LARGE1: variants seen among roughly 807,000 people sequenced by gnomAD.
LARGE1 encodes the protein xylosyl- and glucuronyltransferase LARGE1.
LARGE1 carries 43 observed loss-of-function variants against 87.6 expected under a neutral mutation model. That is an observed-to-expected ratio of 0.49 (90% CI 0.38 to 0.63). The LOEUF (loss-of-function observed/expected upper bound fraction) is 0.63. LARGE1 is among the 30% of genes least tolerant of loss of function. LARGE1 has a pLI of 0.00. For synonymous variants in LARGE1, 434 were observed against 394.6 expected, an observed-to-expected ratio of 1.10 and a Z score of -1.18; for missense variants, 802 against 1,000.2, an observed-to-expected ratio of 0.80 and a Z score of 2.67.
chr22:33,221,860 T>C (rs1925473211), intron 11 of LARGE1: 2 of 152,316 alleles, frequency 1.3e-5, no homozygotes, highest in South Asian at 4.1e-4. Context: ...AAGTCTTTAC[T>C]AAAGATTTTA....
intron 3 of LARGE1, among the ~76,000 whole-genome samples, chr22:33,638,642 A>G (rs1214761638): frequency 6.6e-6 from 1 of 152,218 alleles, no homozygotes; most frequent in African/African-American, 2.4e-5. Flanking sequence ...TTTAATCCCA[A>G]GCTCTACCTC....
At chr22:33,733,793 C>A (rs1465712665) in intron 2 of LARGE1, 1 of 151,670 alleles carries the variant, frequency 6.6e-6, no homozygotes, top group Non-Finnish European at 1.5e-5. Flanking sequence ...GTATAATAAT[C>A]AAACGACAAA....
At chr22:33,239,816 G>A (rs924203648) in intron 11 of LARGE1, among the ~76,000 whole-genome samples, 4 of 152,062 alleles carry the variant, frequency 2.6e-5, no homozygotes, top group African/African-American at 4.8e-5. Flanking sequence ...GGATTACAGA[G>A]TGAGCCACTG....
chr22:33,698,475 A>G (rs939041632), intron 2 of LARGE1, among the ~76,000 whole-genome samples: 6 of 150,552 alleles, frequency 4.0e-5, no homozygotes, highest in African/African-American at 1.5e-4. Flanking sequence ...TAATTTTTGT[A>G]TTCTTTTTGC....
intron 11 of LARGE1, among the ~76,000 whole-genome samples, chr22:33,202,164 T>A (rs1030440344): frequency 2.0e-5 from 3 of 151,824 alleles, no homozygotes; most frequent in Non-Finnish European, 4.4e-5. Flanking sequence ...ATTGTTATTA[T>A]ATTAAGAGCT....
chr22:33,348,643 T>C (rs1445221069), intron 9 of LARGE1, among the ~76,000 whole-genome samples: 2 of 151,986 alleles, frequency 1.3e-5, no homozygotes, highest in Non-Finnish European at 2.9e-5. Flanking sequence ...CTCTTCCCAG[T>C]ACAGGGAGCC....
At chr22:33,390,001 G>A (rs1305166940) in intron 7 of LARGE1, among the ~76,000 whole-genome samples, 1 of 152,180 alleles carries the variant, frequency 6.6e-6, no homozygotes, top group African/African-American at 2.4e-5. Context: ...TAACCCCTTG[G>A]TTGTGGCCAG....
At chr22:33,477,995 A>G (rs1462453298) in intron 6 of LARGE1, among the ~76,000 whole-genome samples, 1 of 152,104 alleles carries the variant, frequency 6.6e-6, no homozygotes, top group Non-Finnish European at 1.5e-5. Context: ...CTCTAACTCA[A>G]TGGCTCTTTC....
At chr22:33,408,817 A>G (rs1016077284) in intron 7 of LARGE1, among the ~76,000 whole-genome samples, 4 of 151,850 alleles carry the variant, frequency 2.6e-5, no homozygotes, top group African/African-American at 9.7e-5. Context: ...CAGTAGGCAG[A>G]CATTAAATAG....
chr22:33,181,070 T>G (rs1364224065), intron 11 of LARGE1, among the ~76,000 whole-genome samples: 1 of 152,238 alleles, frequency 6.6e-6, no homozygotes, highest in Non-Finnish European at 1.5e-5. Flanking sequence ...TAAGGTTTAT[T>G]AATTATATCT....
At chr22:33,311,486 A>G (rs1935584327) in intron 11 of LARGE1, among the ~76,000 whole-genome samples, 1 of 152,232 alleles carries the variant, frequency 6.6e-6, no homozygotes, top group Non-Finnish European at 1.5e-5. Context: ...AACATTAAGA[A>G]AAGGGAAATT....
chr22:33,353,399 CTT>C (rs879900631), intron 9 of LARGE1, among the ~76,000 whole-genome samples: 60 of 138,512 alleles, frequency 4.3e-4, no homozygotes, highest in Non-Finnish European at 3.0e-4. Flanking sequence ...TTCTTTTTTT[CTT>C]TTTTTTTTTT....
At chr22:33,446,622 C>T (rs1222955625) in intron 6 of LARGE1, among the ~76,000 whole-genome samples, 1 of 152,194 alleles carries the variant, frequency 6.6e-6, no homozygotes, top group African/African-American at 2.4e-5. Context: ...GTCAATGTGG[C>T]TGAGACAAAT....
At chr22:33,433,324 C>T (rs111925062) in intron 6 of LARGE1, among the ~76,000 whole-genome samples, 2,227 of 152,064 alleles carry the variant, frequency 0.015, 15 homozygotes, top group Non-Finnish European at 0.024. Flanking sequence ...GGGCTGGGTG[C>T]GGTGGCTCAC....
At chr22:33,654,307 T>G (rs1470092685) in intron 2 of LARGE1, among the ~76,000 whole-genome samples, 2 of 152,166 alleles carry the variant, frequency 1.3e-5, no homozygotes, top group Admixed American at 6.5e-5. Context: ...TTGGTTTGTT[T>G]TAAAGGTCCA....
intron 6 of LARGE1, among the ~76,000 whole-genome samples, chr22:33,510,245 G>A (rs1200882129): frequency 6.6e-6 from 1 of 152,188 alleles, no homozygotes; most frequent in African/African-American, 2.4e-5. Flanking sequence ...TAAGGGGGTA[G>A]TGGTGATGAC....
intron 1 of LARGE1, among the ~76,000 whole-genome samples, chr22:33,857,563 T>C (rs1484124007): frequency 6.6e-6 from 1 of 152,236 alleles, no homozygotes; most frequent in African/African-American, 2.4e-5. Flanking sequence ...AATGCTCTCC[T>C]AGATAAACAA....
chr22:33,181,827 CTTTTTT>C lies in LARGE1; in HGVS notation c.1731-15001_1731-14996del, dbSNP rs56347007. Among the ~76,000 whole-genome samples the C allele has an allele frequency of 1.3e-3, 168 of 128,448 alleles. 2 individuals are homozygous for C. The highest frequency in any genetic ancestry group is 1.4e-3 in the Non-Finnish European group (87 of 63,260). 84.3% of individuals were successfully genotyped at this position (128,448 alleles called of 152,430 possible). The stretch of plus-strand genomic sequence containing the variant: ...ACAGGCGTGAGCCAGTATGCCTGGC[CTTTTTT>C]TTTTTTTTTTTTTTTTACATGGAGT... On this transcript the variant is annotated intron_variant, in intron 11 of 11. Transcript: ENST00000608642.
chr22:33,378,701 C>T (rs1259743273), intron 9 of LARGE1, among the ~76,000 whole-genome samples: 1 of 152,130 alleles, frequency 6.6e-6, no homozygotes, highest in African/African-American at 2.4e-5. Flanking sequence ...CTAGCTGGGT[C>T]CCTATAATTT....
Sources: gnomAD v4.1 joint callset for allele counts (sites outside exome capture counted in the v4.1 genomes callset) on GRCh38, gnomAD v4.1.1 for gene constraint, MANE v1.5 for transcripts, NCBI Gene and HGNC (gene_info 2026-07-23, HGNC 2026-07-21) for gene names.